The following GLDC variants were observed in gnomAD, a reference collection of about 807,000 sequenced individuals.
The protein encoded by GLDC is glycine decarboxylase.
A neutral mutation model predicts 121.3 loss-of-function variants in GLDC; 104 were observed. That is an observed-to-expected ratio of 0.86 (90% CI 0.73 to 1.01). The LOEUF (loss-of-function observed/expected upper bound fraction) is 1.01. GLDC is among the 50% of genes least tolerant of loss of function. The pLI is 0.00. For synonymous variants in GLDC, 546 were observed against 480.6 expected (o/e 1.14, Z -1.78); for missense variants, 1,429 against 1,306.6 (o/e 1.09, Z -1.44).
intron 18 of GLDC, chr9:6,555,027 T>G: frequency 1.8e-6 from 1 of 569,920 alleles, no homozygotes; most frequent in Non-Finnish European, 3.1e-6. Context: ...AATTTAGATT[T>G]AAAAATATGG....
At chr9:6,569,610 C>T (rs972911350) in intron 15 of GLDC, among the ~76,000 whole-genome samples, 2 of 152,060 alleles carry the variant, frequency 1.3e-5, no homozygotes, top group Non-Finnish European at 2.9e-5. Context: ...TGAGATCGCA[C>T]CACTGCACTC....
chr9:6,557,153 G>A (rs1355421666), intron 17 of GLDC, among the ~76,000 whole-genome samples: 1 of 151,916 alleles, frequency 6.6e-6, no homozygotes, highest in Non-Finnish European at 1.5e-5. Context: ...GTTAGAAGGA[G>A]GATATTGAAC....
At position 6,606,486 on chromosome 9, in the gene GLDC, C is replaced by T. The variant is rs550138962; in HGVS notation, c.713+106G>A. 1.9e-4 allele frequency: 156 copies of T among 825,098 alleles called. 2 individuals are homozygous for T. The South Asian group carries it at 2.1e-3, about 11-fold the overall frequency. 51.1% of individuals were successfully genotyped at this position (825,098 alleles called of 1,614,324 possible). Reference sequence around the variant, plus strand: ...ACCCCAATTTAAACAGCAAAAAACCCTGTTTCAGATTCACCTCCAATCAGT... The same window carrying T: ...ACCCCAATTTAAACAGCAAAAAACCTTGTTTCAGATTCACCTCCAATCAGT... On this transcript the variant is annotated intron_variant, in intron 5 of 24. Transcript: ENST00000321612.
intron 2 of GLDC, among the ~76,000 whole-genome samples, chr9:6,637,404 CAA>C (rs71328199): frequency 6.6e-4 from 93 of 139,868 alleles, no homozygotes; most frequent in African/African-American, 8.7e-4. Context: ...AGACTTCTCT[CAA>C]AAAAAAAAAA....
chr9:6,585,621 C>G (rs1046710451), intron 15 of GLDC, among the ~76,000 whole-genome samples: 1 of 152,048 alleles, frequency 6.6e-6, no homozygotes, highest in African/African-American at 2.4e-5. Flanking sequence ...GTCTATGTTA[C>G]AAAACAGAAG....
intron 11 of GLDC, chr9:6,591,773 G>T (rs908866510): frequency 1.8e-5 from 5 of 274,724 alleles, no homozygotes; most frequent in African/African-American, 1.1e-4. Context: ...TAGTGGAGAC[G>T]GGGTTTCTCC....
intron 23 of GLDC, 27 bp from the exon 24 acceptor site, chr9:6,534,815 G>A (rs1451500241): frequency 6.1e-6 from 8 of 1,306,518 alleles, no homozygotes; most frequent in Non-Finnish European, 8.9e-6. Flanking sequence ...GACAGAGGAG[G>A]GGTCAGAGCA....
chr9:6,607,852 G>A (rs1431793822), intron 4 of GLDC, among the ~76,000 whole-genome samples: 4 of 151,946 alleles, frequency 2.6e-5, no homozygotes, highest in Non-Finnish European at 5.9e-5. Context: ...GCCGGTCATG[G>A]TGGCTCACGC....
chr9:6,567,498 C>A (rs1257551731), intron 15 of GLDC: 2 of 152,230 alleles, frequency 1.3e-5, no homozygotes, highest in African/African-American at 4.8e-5. Flanking sequence ...TGCTTCTCAG[C>A]CAAATCCTGC....
intron 2 of GLDC, among the ~76,000 whole-genome samples, chr9:6,623,624 TAAAAAA>T (rs200848942): frequency 6.7e-6 from 1 of 150,270 alleles, no homozygotes. Context: ...AAAAAAAAAA[TAAAAAA>T]AGAGAGAGAT....
intron 3 of GLDC, among the ~76,000 whole-genome samples, chr9:6,614,042 G>C (rs1036155526): frequency 6.6e-6 from 1 of 151,868 alleles, no homozygotes; most frequent in Non-Finnish European, 1.5e-5. Context: ...CTCCCAAAGT[G>C]CTGGGATTAC....
intron 15 of GLDC, among the ~76,000 whole-genome samples, chr9:6,573,149 CCTG>C (rs1817997413): frequency 6.6e-6 from 1 of 152,126 alleles, no homozygotes; most frequent in African/African-American, 2.4e-5. Context: ...GTGGCTCACG[CCTG>C]TAATCCCAGC....
At chr9:6,602,760 G>T (rs980081233) in intron 7 of GLDC, among the ~76,000 whole-genome samples, 4 of 152,114 alleles carry the variant, frequency 2.6e-5, no homozygotes, top group African/African-American at 7.2e-5. Flanking sequence ...TACAATAATG[G>T]TGACTGGGAG....
chr9:6,645,275 C>G lies in GLDC; in HGVS notation c.225G>C (p.Gln75His), dbSNP rs1420424361. The change falls in exon 1 of 25, where the codon CAG (glutamine) becomes CAC (histidine). Residue 75 changes from glutamine (Q) to histidine (H), a missense_variant. Gln to His is a conservative substitution (Grantham distance 24). Transcript: ENST00000321612. The part of the protein sequence containing the change: ...RRHIGPGDKD[Q>H]REMLQTLGLA... ...GCCCCAAGGTCTGCAGCATCTCTCTCTGGTCTTTGTCCCCAGGGCCGATGT... is the reference window on the plus strand; with the variant it reads ...GCCCCAAGGTCTGCAGCATCTCTCTGTGGTCTTTGTCCCCAGGGCCGATGT... The G allele has an allele frequency of 6.2e-7, 1 of 1,604,030 alleles. No homozygotes were observed. Among genetic ancestry groups the G allele is most frequent in the South Asian group, 1.1e-5 (1 of 89,782 alleles).
chr9:6,567,300 T>C (rs1817873180), intron 15 of GLDC: 1 of 152,180 alleles, frequency 6.6e-6, no homozygotes, highest in Non-Finnish European at 1.5e-5. Flanking sequence ...AAACAAGTCC[T>C]AGCCTATTTG....
chr9:6,555,158 C>T (rs1229437959), intron 18 of GLDC, among the ~76,000 whole-genome samples: 1 of 152,228 alleles, frequency 6.6e-6, no homozygotes, highest in Non-Finnish European at 1.5e-5. Context: ...CTGAGCAGCG[C>T]TACCTTCCCC....
At chr9:6,607,299 C>G (rs567449390) in intron 4 of GLDC, among the ~76,000 whole-genome samples, 3 of 151,612 alleles carry the variant, frequency 2.0e-5, no homozygotes, top group South Asian at 2.1e-4. Context: ...CAAGTGTAAA[C>G]TGGACAGGTG....
intron 3 of GLDC, among the ~76,000 whole-genome samples, chr9:6,613,331 C>T (rs1326743664): frequency 6.6e-6 from 1 of 152,022 alleles, no homozygotes; most frequent in Non-Finnish European, 1.5e-5. Context: ...TCTATTTATA[C>T]TAAAAGTAGT....
intron 2 of GLDC, among the ~76,000 whole-genome samples, chr9:6,621,919 C>T (rs1819104235): frequency 6.6e-6 from 1 of 152,182 alleles, no homozygotes; most frequent in Non-Finnish European, 1.5e-5. Flanking sequence ...GATTTAACTA[C>T]TTAGGCAAAT....
Sources: allele counts gnomAD v4.1 joint callset (sites outside exome capture counted in the v4.1 genomes callset), GRCh38; gene constraint gnomAD v4.1.1; transcripts MANE v1.5; gene names NCBI Gene and HGNC (gene_info 2026-07-23, HGNC 2026-07-21).